Variants in PAH observed in about 807,000 individuals in gnomAD.
The protein encoded by PAH is phenylalanine hydroxylase, also known as phenylalanine-4-hydroxylase.
A neutral mutation model predicts 62.0 loss-of-function variants in PAH; 64 were observed. That is an observed-to-expected ratio of 1.03 (90% CI 0.84 to 1.27). The LOEUF (loss-of-function observed/expected upper bound fraction) is 1.27, where lower values mean the gene tolerates loss of function less well. PAH is among the 50% of genes most tolerant of loss of function. The pLI is 0.00. For missense variants in PAH, 579 were observed against 542.8 expected (o/e 1.07, Z -0.66); for synonymous variants, 195 against 196.2 (o/e 0.99, Z 0.05).
At chr12:102,919,709 CT>C (rs1878507833), upstream of PAH, among the ~76,000 whole-genome samples, 1 of 152,134 alleles carries the variant, frequency 6.6e-6, no homozygotes, top group South Asian at 2.1e-4. Context: ...GTTTGGCTTT[CT>C]GTGCCTGGCT....
chr12:102,937,039 C>T (rs934964340), intron 1 of PAH, among the ~76,000 whole-genome samples: 27 of 152,272 alleles, frequency 1.8e-4, no homozygotes, highest in Middle Eastern at 3.4e-3. Context: ...AGGGGCTTTT[C>T]CCCCTCTTGC....
chr12:102,869,331 C>A (rs1274057207), intron 4 of PAH, among the ~76,000 whole-genome samples: 1 of 152,068 alleles, frequency 6.6e-6, no homozygotes, highest in Non-Finnish European at 1.5e-5. Flanking sequence ...TCAATTATGT[C>A]AGAGGAAATA....
In PAH at chr12:102,837,384, T is replaced by C. The variant is rs1874406159; in HGVS notation, c.*1791A>G. ...TCTAATATTTAAGTTCCAGAGTCAA[T>C]AATTAACTTTTCATGTGAAATGAAG... On this transcript the variant is annotated 3_prime_UTR_variant, in exon 13 of 13. Transcript: ENST00000553106. 2.0e-5 allele frequency: 3 copies of C among 152,250 alleles called. No individual in the cohort carries two copies. The highest frequency in any genetic ancestry group is 2.0e-4 in the Admixed American group (3 of 15,286). 9.4% of individuals were successfully genotyped at this position (152,250 alleles called of 1,614,324 possible). A position where few individuals can be genotyped will look rare whatever the true frequency, so the allele number is the denominator to read the frequency against.
At chr12:102,925,234 CCTT>C (rs1878654920) in intron 1 of PAH, among the ~76,000 whole-genome samples, 1 of 152,134 alleles carries the variant, frequency 6.6e-6, no homozygotes, top group African/African-American at 2.4e-5. Context: ...TTTATTTTCT[CCTT>C]CTTGCAGGAT....
At chr12:102,842,466 AAGTT>A (rs1874632848) in intron 11 of PAH, among the ~76,000 whole-genome samples, 1 of 151,986 alleles carries the variant, frequency 6.6e-6, no homozygotes, top group African/African-American at 2.4e-5. Context: ...AAAAGAAAGA[AAGTT>A]AGTCCTCTTT....
At chr12:102,934,412 T>C (rs1321769457) in intron 1 of PAH, among the ~76,000 whole-genome samples, 1 of 124,920 alleles carries the variant, frequency 8.0e-6, no homozygotes, top group African/African-American at 3.1e-5. Context: ...ATTCTGGGTG[T>C]TTCATGGTAC....
intron 1 of PAH, among the ~76,000 whole-genome samples, chr12:102,924,431 T>C (rs1878631340): frequency 6.6e-6 from 1 of 152,314 alleles, no homozygotes; most frequent in Admixed American, 6.5e-5. Flanking sequence ...ATTTAACAAA[T>C]GGAGATGTTA....
intron 1 of PAH, among the ~76,000 whole-genome samples, chr12:102,956,876 A>G (rs1164206372): frequency 1.3e-5 from 2 of 152,018 alleles, no homozygotes; most frequent in Non-Finnish European, 2.9e-5. Flanking sequence ...TGGGGAGCAC[A>G]TCCTAGTTTT....
chr12:102,873,464 CA>C (rs1876440007), intron 4 of PAH, among the ~76,000 whole-genome samples: 1 of 152,200 alleles, frequency 6.6e-6, no homozygotes, highest in Non-Finnish European at 1.5e-5. Context: ...TACTGACCCA[CA>C]TTGGAAGTGA....
intron 2 of PAH, among the ~76,000 whole-genome samples, chr12:102,895,869 A>AAAAAAATATATATATAT (rs953209518): frequency 8.4e-6 from 1 of 118,744 alleles, no homozygotes; most frequent in African/African-American, 3.6e-5. Context: ...AAAAAAAAAA[A>AAAAAAATATATATATAT]ATATATATAT....
chr12:102,933,892 G>A (rs1195288949), intron 1 of PAH, among the ~76,000 whole-genome samples: 5 of 151,902 alleles, frequency 3.3e-5, no homozygotes, highest in Non-Finnish European at 7.4e-5. Flanking sequence ...CCATTCTGTG[G>A]GTTGTCTCTT....
At chr12:102,892,113 G>A (rs922521457) in intron 3 of PAH, among the ~76,000 whole-genome samples, 2 of 152,206 alleles carry the variant, frequency 1.3e-5, no homozygotes, top group Non-Finnish European at 2.9e-5. Flanking sequence ...CCATCTGCAT[G>A]GCTGTCCACT....
intron 4 of PAH, among the ~76,000 whole-genome samples, chr12:102,868,208 G>A (rs1876146844): frequency 8.0e-6 from 1 of 125,038 alleles, no homozygotes; most frequent in Non-Finnish European, 1.7e-5. Flanking sequence ...ATATATATCA[G>A]GGCCTACCAG....
At chr12:102,866,710 G>A (rs1221985120) in intron 4 of PAH, 47 bp from the exon 5 acceptor site, 1 of 1,454,622 alleles carries the variant, frequency 6.9e-7, no homozygotes, top group East Asian at 2.3e-5. Flanking sequence ...ATAGGAAGAG[G>A]TCTGGTACCT....
chr12:102,910,415 G>A (rs375405445), intron 2 of PAH, among the ~76,000 whole-genome samples: 29 of 150,080 alleles, frequency 1.9e-4, no homozygotes, highest in African/African-American at 6.7e-4. Flanking sequence ...CTGTCACCCA[G>A]GCTAGAGTGC....
At chr12:102,947,292 G>A (rs953436878) in intron 1 of PAH, among the ~76,000 whole-genome samples, 6 of 152,206 alleles carry the variant, frequency 3.9e-5, no homozygotes, top group Non-Finnish European at 7.4e-5. Flanking sequence ...ATTTTGGTTT[G>A]ACTGTGTGGG....
At position 102,846,978 on chromosome 12, in the gene PAH, T is replaced by G. The variant is rs544146231; in HGVS notation, c.913-27A>C. 4.4e-6 allele frequency: 7 copies of G among 1,604,566 alleles called. No homozygotes were observed. The South Asian group carries it at 7.7e-5, about 18-fold the overall frequency. On this transcript the variant is annotated intron_variant, in intron 8 of 12. Transcript: ENST00000553106. ...TGTAATTGGGGGAAAATAGAACCTG[T>G]TCTGTTCCTGTAATTGGAACCACAG...
intron 1 of PAH, among the ~76,000 whole-genome samples, chr12:102,924,776 A>C (rs1353765): frequency 0.032 from 4,812 of 152,238 alleles, 264 homozygotes; most frequent in African/African-American, 0.11. Context: ...TGCTCAGCAT[A>C]CACCTGGATC....
At chr12:102,906,301 T>C (rs925952470) in intron 2 of PAH, among the ~76,000 whole-genome samples, 13 of 152,214 alleles carry the variant, frequency 8.5e-5, no homozygotes, top group African/African-American at 2.9e-4. Context: ...AAAAACTTTG[T>C]AGTTCTGATT....
Sources: gnomAD v4.1 joint callset for allele counts (sites outside exome capture counted in the v4.1 genomes callset) on GRCh38, gnomAD v4.1.1 for gene constraint, MANE v1.5 for transcripts, NCBI Gene and HGNC (gene_info 2026-07-23, HGNC 2026-07-21) for gene names.